ATP2B1: variants seen among roughly 807,000 people sequenced by gnomAD.
ATP2B1 encodes the protein ATPase plasma membrane Ca2+ transporting 1, also known as plasma membrane calcium-transporting ATPase 1.
Under a neutral mutation model 124.2 loss-of-function variants are expected in ATP2B1, and 14 were observed. The observed-to-expected ratio is 0.11, with a 90% CI of 0.07 to 0.18. The LOEUF (loss-of-function observed/expected upper bound fraction) is 0.18. ATP2B1 is among the 10% of genes least tolerant of loss of function. ATP2B1 has a pLI of 1.00. For synonymous variants in ATP2B1, 449 were observed against 492.4 expected, an observed-to-expected ratio of 0.91 and a Z score of 1.17; for missense variants, 763 against 1,466.1, an observed-to-expected ratio of 0.52 and a Z score of 7.83.
intron 1 of ATP2B1, among the ~76,000 whole-genome samples, chr12:89,704,442 T>C (rs1892210815): frequency 6.6e-6 from 1 of 152,160 alleles, no homozygotes; most frequent in Admixed American, 6.5e-5. Context: ...CTATTAAATT[T>C]ACTCTGATCA....
At chr12:89,596,558 G>A (rs1033419560) in intron 20 of ATP2B1, among the ~76,000 whole-genome samples, 1 of 152,042 alleles carries the variant, frequency 6.6e-6, no homozygotes, top group Non-Finnish European at 1.5e-5. Context: ...GATTATATAC[G>A]GGAATTCTTA....
intron 2 of ATP2B1, among the ~76,000 whole-genome samples, chr12:89,647,369 T>A (rs1350080349): frequency 1.3e-5 from 2 of 152,236 alleles, no homozygotes; most frequent in Non-Finnish European, 1.5e-5. Context: ...TATGAGTAGA[T>A]AACAGCTCAG....
intron 12 of ATP2B1, 65 bp downstream of exon 12, chr12:89,616,737 A>G: frequency 6.9e-7 from 1 of 1,456,168 alleles, no homozygotes; most frequent in Non-Finnish European, 9.4e-7. Flanking sequence ...ACTGGTTACA[A>G]TTAAGGCCTA....
chr12:89,665,189 CTT>C (rs909831731), intron 1 of ATP2B1, among the ~76,000 whole-genome samples: 6 of 152,158 alleles, frequency 3.9e-5, no homozygotes, highest in Non-Finnish European at 7.3e-5. Flanking sequence ...AAAAATATTA[CTT>C]GAGTTGATTT....
At chr12:89,703,850 T>C (rs1204879048) in intron 1 of ATP2B1, among the ~76,000 whole-genome samples, 2 of 152,212 alleles carry the variant, frequency 1.3e-5, no homozygotes, top group Admixed American at 1.3e-4. Flanking sequence ...TTAACTTAGT[T>C]ATAAATGCAA....
At chr12:89,707,862 C>T (rs1035168144) in intron 1 of ATP2B1, among the ~76,000 whole-genome samples, 1 of 152,184 alleles carries the variant, frequency 6.6e-6, no homozygotes, top group Admixed American at 6.5e-5. Flanking sequence ...CAGCCCCCAC[C>T]CCACACCCCT....
chr12:89,667,317 T>C (rs1887432136), intron 1 of ATP2B1, among the ~76,000 whole-genome samples: 1 of 152,162 alleles, frequency 6.6e-6, no homozygotes, highest in African/African-American at 2.4e-5. Context: ...ATTGTATCAC[T>C]TACTTATTCT....
chr12:89,605,668 GAGA>G (rs1876698938), intron 15 of ATP2B1, among the ~76,000 whole-genome samples: 1 of 152,148 alleles, frequency 6.6e-6, no homozygotes, highest in Admixed American at 6.5e-5. Flanking sequence ...GAAGCAGCTG[GAGA>G]AGATGACTCC....
chr12:89,636,302 C>T (rs1329547729), intron 3 of ATP2B1, among the ~76,000 whole-genome samples: 2 of 151,992 alleles, frequency 1.3e-5, no homozygotes, highest in African/African-American at 4.8e-5. Context: ...TTTTTGACTT[C>T]GGGCTGTAAT....
chr12:89,653,627 T>C (rs1477969533), intron 2 of ATP2B1, among the ~76,000 whole-genome samples: 3 of 152,222 alleles, frequency 2.0e-5, no homozygotes, highest in Non-Finnish European at 4.4e-5. Context: ...TAAGTGGATA[T>C]TTCTAGAGAT....
At chr12:89,604,389 A>AT in intron 15 of ATP2B1, 43 bp from the exon 16 acceptor site, 1 of 1,478,486 alleles carries the variant, frequency 6.8e-7, no homozygotes, top group Non-Finnish European at 9.2e-7. Context: ...TGTTTTAAGT[A>AT]TAACTTTCAA....
At chr12:89,681,909 T>C (rs73198556) in intron 1 of ATP2B1, among the ~76,000 whole-genome samples, 21,570 of 151,936 alleles carry the variant, frequency 0.14, 1,901 homozygotes, top group Non-Finnish European at 0.2. Flanking sequence ...AAGATACCAG[T>C]GAAGAATTAG....
intron 1 of ATP2B1, among the ~76,000 whole-genome samples, chr12:89,700,138 G>T (rs1398500503): frequency 6.6e-6 from 1 of 151,890 alleles, no homozygotes; most frequent in Non-Finnish European, 1.5e-5. Flanking sequence ...ACAGGCAGGA[G>T]CCACTGCGCT....
chr12:89,696,509 CAA>C (rs10550903), intron 1 of ATP2B1, among the ~76,000 whole-genome samples: 115,146 of 151,834 alleles, frequency 0.76, 43,989 homozygotes, highest in Admixed American at 0.81. Context: ...GAAAATAATA[CAA>C]AGTTTCTAAA....
In ATP2B1 at chr12:89,642,289, G is replaced by T; in HGVS notation, c.275C>A (p.Pro92His). Reference sequence around the variant, plus strand: ...TTGAAGAAAGGTTTTTGGCTTTTTAGGAGGTATAAAATTCTTTCCAAACAC... The same window carrying T: ...TTGAAGAAAGGTTTTTGGCTTTTTATGAGGTATAAAATTCTTTCCAAACAC... ...EAVFGKNFIP[P>H]KKPKTFLQLV... Residue 92 changes from proline (P) to histidine (H), a missense_variant, in exon 3 of 21, where the codon CCT becomes CAT. Around this residue, in one of 7 missense-constraint regions of ATP2B1, gnomAD observed 93 missense variants for 112.7 expected, o/e 0.83. Coordinates refer to ENST00000428670, the MANE Select transcript of ATP2B1 (RefSeq NM_001366521.1). 1.2e-6 allele frequency: 2 copies of T among 1,613,752 alleles called. No individual in the cohort carries two copies. The highest frequency in any genetic ancestry group is 1.7e-6 in the Non-Finnish European group (2 of 1,179,868).
At chr12:89,620,387 G>C in intron 10 of ATP2B1, 147 bp from the exon 11 acceptor site, 4 of 1,032,078 alleles carry the variant, frequency 3.9e-6, no homozygotes, top group South Asian at 1.8e-5. Flanking sequence ...AGAAAAGTAA[G>C]GTAGAAAGGA....
chr12:89,643,762 C>T (rs892453980), intron 2 of ATP2B1, among the ~76,000 whole-genome samples: 8 of 152,190 alleles, frequency 5.3e-5, no homozygotes, highest in African/African-American at 1.9e-4. Flanking sequence ...GTACAGACAG[C>T]AGTGACAAAT....
At chr12:89,665,332 A>C (rs1887180047) in intron 1 of ATP2B1, among the ~76,000 whole-genome samples, 1 of 152,192 alleles carries the variant, frequency 6.6e-6, no homozygotes, top group Non-Finnish European at 1.5e-5. Context: ...ATATTGATAC[A>C]TTCTGAACAT....
intron 15 of ATP2B1, among the ~76,000 whole-genome samples, chr12:89,609,286 T>C (rs796898968): frequency 7.9e-5 from 12 of 152,252 alleles, no homozygotes; most frequent in African/African-American, 2.9e-4. Flanking sequence ...GTAGGACAAA[T>C]AACAGCCTCA....
Sources: gnomAD v4.1 joint callset for allele counts (sites outside exome capture counted in the v4.1 genomes callset) on GRCh38, gnomAD v4.1.1 for gene constraint, gnomAD v4.1.1 regional missense constraint, MANE v1.5 for transcripts, NCBI Gene and HGNC (gene_info 2026-07-23, HGNC 2026-07-21) for gene names.